Variants in PAPSS1 observed in about 807,000 individuals in gnomAD.
PAPSS1 encodes 3'-phosphoadenosine 5'-phosphosulfate synthase 1, also known as bifunctional 3'-phosphoadenosine 5'-phosphosulfate synthase 1.
Under a neutral mutation model 72.0 loss-of-function variants are expected in PAPSS1, and 50 were observed. The observed-to-expected ratio is 0.69, with a 90% CI of 0.55 to 0.88. PAPSS1 has a LOEUF of 0.88. Among genes scored for constraint, PAPSS1 ranks in the 40% least tolerant of loss-of-function variants. The probability of loss-of-function intolerance (pLI) is 0.00; values close to 1 mark genes in which losing one functional copy is unlikely to be tolerated. For synonymous variants in PAPSS1, 261 were observed against 263.6 expected (o/e 0.99, Z 0.09); for missense variants, 657 against 782.2 (o/e 0.84, Z 1.91).
chr4:107,684,485 T>C (rs1465085224), intron 4 of PAPSS1, among the ~76,000 whole-genome samples: 3 of 152,158 alleles, frequency 2.0e-5, no homozygotes, highest in African/African-American at 7.2e-5. Flanking sequence ...AACAAAACTA[T>C]ATTTTTTTCT....
At position 107,720,212 on chromosome 4, in the gene PAPSS1, C is replaced by G. The variant is rs1287113626; in HGVS notation, c.-33G>C. 1.3e-6 allele frequency: 2 copies of G among 1,590,660 alleles called. No homozygotes were observed. Among genetic ancestry groups the G allele is most frequent in the African/African-American group, 2.7e-5 (2 of 72,880 alleles). The stretch of plus-strand genomic sequence containing the variant: ...GAGCGCGCTGAGCAGCCGGGGTTCT[C>G]TGCGCCGGGAGGGTAGCAAGAGGAG... On this transcript the variant is annotated 5_prime_UTR_variant, in exon 1 of 12. Coordinates refer to ENST00000265174, the MANE Select transcript of PAPSS1 (RefSeq NM_005443.5).
rs182887464 is a variant in PAPSS1, at chr4:107,712,537, T to C, written c.60+7583A>G. ...AAATGTTCATAGCATTTATTCATGA[T>C]AGCCAAAAAGTAGGAACAACCTAAA... is the stretch of plus-strand genomic sequence containing the variant. On this transcript the variant is annotated intron_variant, in intron 1 of 11. Transcript: ENST00000265174. Among the ~76,000 whole-genome samples, 875 of 152,296 alleles carry C rather than the reference T, an allele frequency of 5.7e-3. 6 individuals are homozygous for C. The highest frequency in any genetic ancestry group is 6.9e-3 in the Non-Finnish European group (471 of 68,024).
Position 107,656,977 on chromosome 4 carries a change from C to T in PAPSS1, c.814G>A (p.Glu272Lys). The T allele has an allele frequency of 1.2e-6, 2 of 1,613,894 alleles. No individual in the cohort carries two copies. Among genetic ancestry groups the T allele is most frequent in the Non-Finnish European group, 1.7e-6 (2 of 1,179,784 alleles). Reference sequence around the variant, plus strand: ...CCATTCAATGGGGTTGCCCAACCTTCTGCCAAAACCTGCACCCACTGCATA... The same window carrying T: ...CCATTCAATGGGGTTGCCCAACCTTTTGCCAAAACCTGCACCCACTGCATA... ...VDMQWVQVLAEGWATPLNGFM... is the reference protein window; with the variant it reads ...VDMQWVQVLAKGWATPLNGFM... Residue 272 changes from glutamate (E) to lysine (K), a missense_variant, in exon 7 of 12, where the codon GAA becomes AAA. Physicochemically the swap from Glu to Lys is moderately conservative, Grantham distance 56. Around this residue, in one of 7 missense-constraint regions of PAPSS1, gnomAD observed 190 missense variants for 176.7 expected, o/e 1.07. Coordinates refer to ENST00000265174, the MANE Select transcript of PAPSS1 (RefSeq NM_005443.5).
chr4:107,620,946 G>C (rs1725937835), intron 11 of PAPSS1, among the ~76,000 whole-genome samples: 1 of 152,144 alleles, frequency 6.6e-6, no homozygotes, highest in South Asian at 2.1e-4. Flanking sequence ...TTTCCTCCTA[G>C]ACCTCTTTAC....
intron 5 of PAPSS1, among the ~76,000 whole-genome samples, chr4:107,669,326 A>T (rs1388198115): frequency 6.6e-6 from 1 of 152,242 alleles, no homozygotes; most frequent in East Asian, 1.9e-4. Context: ...CTTAGTGAGA[A>T]AAACAACCAA....
chr4:107,658,752 T>C (rs1727087500), intron 6 of PAPSS1, among the ~76,000 whole-genome samples: 1 of 152,140 alleles, frequency 6.6e-6, no homozygotes, highest in Admixed American at 6.6e-5. Flanking sequence ...GGCTACTACT[T>C]GTCTCTACTG....
intron 2 of PAPSS1, among the ~76,000 whole-genome samples, chr4:107,700,398 C>CTA (rs1206797208): frequency 6.6e-6 from 1 of 152,196 alleles, no homozygotes; most frequent in Non-Finnish European, 1.5e-5. Flanking sequence ...CACCAGCCTG[C>CTA]TATGACTAAG....
At chr4:107,672,896 T>C (rs904446640) in intron 5 of PAPSS1, among the ~76,000 whole-genome samples, 1 of 152,208 alleles carries the variant, frequency 6.6e-6, no homozygotes, top group Non-Finnish European at 1.5e-5. Context: ...CAACATTTAC[T>C]GCTCACCAAT....
Position 107,630,959 on chromosome 4 carries a change from T to C in PAPSS1, c.1736+672A>G, listed in dbSNP as rs193083756. On this transcript the variant is annotated intron_variant, in intron 11 of 11. Transcript: ENST00000265174. ...AACATGACAAAAGTGGAAAATTCCA[T>C]CTCTGACACCTTTGCTTTCTGATGG... Among the ~76,000 whole-genome samples the C allele has an allele frequency of 2.0e-5, 3 of 152,318 alleles. No individual in the cohort carries two copies. In the East Asian group the frequency reaches 5.8e-4, roughly 29 times the overall value.
At chr4:107,666,829 A>T (rs1727330770) in intron 5 of PAPSS1, among the ~76,000 whole-genome samples, 1 of 152,198 alleles carries the variant, frequency 6.6e-6, no homozygotes, top group Non-Finnish European at 1.5e-5. Flanking sequence ...CCCAGACCAT[A>T]GTACTTTCTT....
chr4:107,719,394 G>A (rs1044382427), intron 1 of PAPSS1, among the ~76,000 whole-genome samples: 6 of 152,146 alleles, frequency 3.9e-5, no homozygotes, highest in African/African-American at 1.4e-4. Flanking sequence ...AAGGAAGTAA[G>A]CAACGTTATG....
intron 6 of PAPSS1, 105 bp from the exon 7 acceptor site, chr4:107,657,112 G>A: frequency 2.7e-6 from 2 of 745,938 alleles, no homozygotes; most frequent in Non-Finnish European, 4.9e-6. Context: ...GAAACAAACA[G>A]TGTAAGGATG....
intron 9 of PAPSS1, among the ~76,000 whole-genome samples, chr4:107,652,826 T>C (rs1341457153): frequency 2.0e-5 from 3 of 152,116 alleles, no homozygotes; most frequent in South Asian, 2.1e-4. Flanking sequence ...CAAAGACAGT[T>C]TGATGAATTG....
At chr4:107,689,712 A>C (rs1295930915) in intron 3 of PAPSS1, among the ~76,000 whole-genome samples, 1 of 152,164 alleles carries the variant, frequency 6.6e-6, no homozygotes, top group Non-Finnish European at 1.5e-5. Flanking sequence ...TAATAAAGTT[A>C]ATGATTCCTA....
Position 107,613,993 on chromosome 4 carries a change from A to G in PAPSS1, c.*256T>C, listed in dbSNP as rs1234537279. ...CATGACACAGAAGCATAAATATAAT[A>G]TAAAAAGACAATTTTAAAATTGTAT... On this transcript the variant is annotated 3_prime_UTR_variant, in exon 12 of 12. Coordinates refer to ENST00000265174, the MANE Select transcript of PAPSS1 (RefSeq NM_005443.5). 3.5e-6 allele frequency: 1 copy of G among 286,710 alleles called. No individual in the cohort carries two copies. The highest frequency in any genetic ancestry group is 6.1e-5 in the East Asian group (1 of 16,506). The allele number at this position is 286,710 out of a possible 1,614,324, so 17.8% of individuals were successfully genotyped here.
At chr4:107,658,886 A>C (rs1202980118) in intron 6 of PAPSS1, among the ~76,000 whole-genome samples, 1 of 152,236 alleles carries the variant, frequency 6.6e-6, no homozygotes, top group Non-Finnish European at 1.5e-5. Context: ...GGTGCAAAGA[A>C]TAGCAGTGTG....
intron 5 of PAPSS1, among the ~76,000 whole-genome samples, chr4:107,672,143 C>T (rs1967973): frequency 0.37 from 56,752 of 152,052 alleles, 11,196 homozygotes; most frequent in South Asian, 0.55. Flanking sequence ...GTGTGAGCGA[C>T]GCAGAAGACG....
intron 11 of PAPSS1, among the ~76,000 whole-genome samples, chr4:107,628,882 A>G (rs1309757428): frequency 6.6e-6 from 1 of 152,222 alleles, no homozygotes; most frequent in Non-Finnish European, 1.5e-5. Flanking sequence ...ACAGGGCTAT[A>G]ACCCACAACT....
At position 107,644,798 on chromosome 4, in the gene PAPSS1, C is replaced by G; in HGVS notation, c.1506+4G>C. The G allele has an allele frequency of 6.2e-7, 1 of 1,605,042 alleles. No individual in the cohort carries two copies. Among genetic ancestry groups the G allele is most frequent in the Non-Finnish European group, 8.5e-7 (1 of 1,176,392 alleles). ...CTGCAGTGAAAATCTTACAAGCAGT[C>G]TACCTCAGTTGGTCCAGCATACATC... On this transcript the variant is annotated splice_donor_region_variant and intron_variant, in intron 10 of 11. Coordinates refer to ENST00000265174, the MANE Select transcript of PAPSS1 (RefSeq NM_005443.5).
Sources: allele counts gnomAD v4.1 joint callset (sites outside exome capture counted in the v4.1 genomes callset), GRCh38; gene constraint gnomAD v4.1.1; regional missense constraint gnomAD v4.1.1; transcripts MANE v1.5; gene names NCBI Gene and HGNC (gene_info 2026-07-23, HGNC 2026-07-21).